Variants in CRIM1 observed in about 807,000 individuals in gnomAD.
CRIM1 encodes cysteine rich transmembrane BMP regulator 1.
Under a neutral mutation model 116.4 loss-of-function variants are expected in CRIM1, and 32 were observed. That is an observed-to-expected ratio of 0.27 (90% CI 0.21 to 0.37). The LOEUF is 0.37. Among genes scored for constraint, CRIM1 ranks in the 10% least tolerant of loss-of-function variants. The pLI, the probability that CRIM1 is intolerant of heterozygous loss-of-function variation, is 1.00. For missense variants in CRIM1, 1,331 were observed against 1,354.8 expected, an observed-to-expected ratio of 0.98 and a Z score of 0.28; for synonymous variants, 590 against 509.2, an observed-to-expected ratio of 1.16 and a Z score of -2.13.
chr2:36,478,533 CTCAGGTCCA>C lies in CRIM1; in HGVS notation c.1175-962_1175-954del, dbSNP rs376474056. ...CAGGAATTTAAAAAATCTTCTCTTG[CTCAGGTCCA>C]TTGGCCGCCTCCCTCTCTGGCAGAC... On this transcript the variant is annotated intron_variant, in intron 6 of 16. Coordinates refer to ENST00000280527, the MANE Select transcript of CRIM1 (RefSeq NM_016441.3). 8.5e-5 allele frequency among the ~76,000 whole-genome samples: 13 copies of C among 152,342 alleles called. 1 individual carries two copies. The East Asian group carries it at 2.5e-3, about 29-fold the overall frequency.
At chr2:36,486,063 G>C (rs1395634278) in intron 7 of CRIM1, among the ~76,000 whole-genome samples, 1 of 152,064 alleles carries the variant, frequency 6.6e-6, no homozygotes, top group East Asian at 1.9e-4. Context: ...GTCATATTTT[G>C]ATTTTTCTCT....
chr2:36,452,181 T>G (rs1474133390), intron 4 of CRIM1, among the ~76,000 whole-genome samples: 1 of 152,114 alleles, frequency 6.6e-6, no homozygotes, highest in Non-Finnish European at 1.5e-5. Context: ...TTTTTGTTGT[T>G]GTCGTTCCCT....
intron 2 of CRIM1, among the ~76,000 whole-genome samples, chr2:36,426,596 A>G (rs1251171835): frequency 6.6e-6 from 1 of 152,164 alleles, no homozygotes; most frequent in Non-Finnish European, 1.5e-5. Flanking sequence ...TGGAGCTCAG[A>G]AAATGGGCAG....
chr2:36,446,414 T>C (rs1676247174), intron 4 of CRIM1, among the ~76,000 whole-genome samples: 1 of 152,260 alleles, frequency 6.6e-6, no homozygotes, highest in Non-Finnish European at 1.5e-5. Flanking sequence ...GTTCTTACTG[T>C]GCATGGGTTT....
intron 2 of CRIM1, among the ~76,000 whole-genome samples, chr2:36,399,203 C>T (rs950453921): frequency 1.3e-4 from 20 of 152,040 alleles, no homozygotes; most frequent in Admixed American, 5.9e-4. Context: ...AAGCTTAAGC[C>T]GGGTAATATG....
At chr2:36,399,665 C>T (rs925281455) in intron 2 of CRIM1, among the ~76,000 whole-genome samples, 1 of 152,134 alleles carries the variant, frequency 6.6e-6, no homozygotes, top group African/African-American at 2.4e-5. Context: ...ATAGGAGATA[C>T]TACAGCATGT....
intron 2 of CRIM1, among the ~76,000 whole-genome samples, chr2:36,412,212 A>G (rs1673263470): frequency 6.6e-6 from 1 of 151,266 alleles, no homozygotes; most frequent in Non-Finnish European, 1.5e-5. Flanking sequence ...TCAGTAAATA[A>G]CCAAGAACTC....
intron 16 of CRIM1, among the ~76,000 whole-genome samples, chr2:36,548,136 G>C (rs1013171877): frequency 1.3e-5 from 2 of 152,168 alleles, no homozygotes; most frequent in African/African-American, 2.4e-5. Flanking sequence ...CCCAGCCTAT[G>C]ATAGTGTTGT....
chr2:36,388,347 CAA>C (rs1671327324), intron 1 of CRIM1, among the ~76,000 whole-genome samples: 1 of 152,088 alleles, frequency 6.6e-6, no homozygotes, highest in Non-Finnish European at 1.5e-5. Context: ...GTTTTCAAAA[CAA>C]AGTCTAATTG....
chr2:36,506,926 C>T (rs901196179), intron 8 of CRIM1, among the ~76,000 whole-genome samples: 7 of 152,048 alleles, frequency 4.6e-5, no homozygotes, highest in African/African-American at 1.4e-4. Context: ...GGTGCAGTCA[C>T]AGCTCTCACT....
At chr2:36,501,060 A>G (rs1209421805) in intron 8 of CRIM1, among the ~76,000 whole-genome samples, 3 of 152,292 alleles carry the variant, frequency 2.0e-5, no homozygotes, top group Non-Finnish European at 2.9e-5. Flanking sequence ...GTGAATGTCA[A>G]TTTATGTAGT....
chr2:36,398,078 C>T (rs1672157685), intron 2 of CRIM1, among the ~76,000 whole-genome samples: 1 of 152,200 alleles, frequency 6.6e-6, no homozygotes, highest in Non-Finnish European at 1.5e-5. Flanking sequence ...TTGCCAACTT[C>T]AGTATGTAAA....
At chr2:36,499,661 G>C (rs1054892480) in intron 8 of CRIM1, among the ~76,000 whole-genome samples, 2 of 152,048 alleles carry the variant, frequency 1.3e-5, no homozygotes, top group Admixed American at 6.6e-5. Context: ...AGGTCATCCA[G>C]TGACAAGGAG....
rs1367244208 is a variant in CRIM1, at chr2:36,356,472, C to T, written c.180C>T (p.Cys60=). ...CGGGGAGCATCGTGCAGGGCGTCTG[C>T]GGCTGCTGCTACACGTGCGCCAGCC... ...NCPGSIVQGV[C]GCCYTCASQR... Residue 60 remains cysteine, a synonymous_variant, in exon 1 of 17, where the codon TGC becomes TGT. Transcript: ENST00000280527. The surrounding 1 kb of genome is among the most constrained non-coding windows in gnomAD (Gnocchi z 4.3). 3.7e-6 allele frequency: 6 copies of T among 1,611,722 alleles called. No homozygotes were observed. The highest frequency in any genetic ancestry group is 3.3e-5 in the Admixed American group (2 of 59,984).
chr2:36,525,050 G>C (rs566030572), intron 13 of CRIM1, among the ~76,000 whole-genome samples: 1 of 152,092 alleles, frequency 6.6e-6, no homozygotes, highest in Non-Finnish European at 1.5e-5. Context: ...ACTGATGCAC[G>C]TATAATTTTA....
intron 1 of CRIM1, among the ~76,000 whole-genome samples, chr2:36,375,386 C>G (rs1162467979): frequency 6.6e-6 from 1 of 152,132 alleles, no homozygotes; most frequent in Non-Finnish European, 1.5e-5. Flanking sequence ...GTATATAGCA[C>G]CTGTTGTAAT....
chr2:36,550,534 GA>G lies in CRIM1; in HGVS notation c.*1835del, dbSNP rs1377947017. Reference sequence around the variant, plus strand: ...TGTAAATACTTGGACAGAGGTTGCTGAACTTTAAAAAAAATTAATTTATTAT... The same window carrying G: ...TGTAAATACTTGGACAGAGGTTGCTGACTTTAAAAAAAATTAATTTATTAT... On this transcript the variant is annotated 3_prime_UTR_variant, in exon 17 of 17. Coordinates refer to ENST00000280527, the MANE Select transcript of CRIM1 (RefSeq NM_016441.3). 6.6e-6 allele frequency: 1 copy of G among 152,092 alleles called. No homozygotes were observed. The highest frequency in any genetic ancestry group is 1.5e-5 in the Non-Finnish European group (1 of 67,944). 9.4% of individuals were successfully genotyped at this position (152,092 alleles called of 1,614,324 possible).
intron 2 of CRIM1, among the ~76,000 whole-genome samples, chr2:36,403,088 G>T (rs1025873651): frequency 6.6e-6 from 1 of 152,158 alleles, no homozygotes; most frequent in African/African-American, 2.4e-5. Flanking sequence ...AACCTACTTT[G>T]CAGTGATTTA....
intron 13 of CRIM1, among the ~76,000 whole-genome samples, chr2:36,534,159 A>AGAAG (rs199981889): frequency 8.5e-6 from 1 of 117,196 alleles, no homozygotes; most frequent in Non-Finnish European, 1.8e-5. Context: ...GGAAGGGGGA[A>AGAAG]GAAGGAAGGA....
Sources: allele counts gnomAD v4.1 joint callset (sites outside exome capture counted in the v4.1 genomes callset), GRCh38; gene constraint gnomAD v4.1.1; non-coding constraint Gnocchi (gnomAD v3.1); transcripts MANE v1.5; gene names NCBI Gene and HGNC (gene_info 2026-07-23, HGNC 2026-07-21).